The following SCHIP1 variants were observed in gnomAD, a reference collection of about 807,000 sequenced individuals.
The protein encoded by SCHIP1 is schwannomin-interacting protein 1.
SCHIP1 carries 8 observed loss-of-function variants against 29.7 expected under a neutral mutation model. The ratio of observed to expected loss-of-function variants is 0.27; its 90% CI spans 0.16 to 0.49. The LOEUF (loss-of-function observed/expected upper bound fraction) is 0.49. SCHIP1 is among the 20% of genes least tolerant of loss of function. SCHIP1 has a pLI of 0.99. For synonymous variants in SCHIP1, 76 were observed against 94.9 expected (o/e 0.80, Z 1.16); for missense variants, 193 against 294.6 (o/e 0.66, Z 2.52).
chr3:159,663,718 T>C, the SCHIP1 span, among the ~76,000 whole-genome samples: 1 of 152,196 alleles, frequency 6.6e-6, no homozygotes, highest in South Asian at 2.1e-4. Context: ...TTGGACAAAG[T>C]CTTTCAAATA....
the SCHIP1 span, among the ~76,000 whole-genome samples, chr3:159,640,971 T>C: frequency 6.6e-6 from 1 of 152,198 alleles, no homozygotes. Flanking sequence ...CATTTTTGAC[T>C]TAGAATCAAA....
At chr3:159,623,948 T>C in the SCHIP1 span, among the ~76,000 whole-genome samples, 1 of 152,126 alleles carries the variant, frequency 6.6e-6, no homozygotes, top group African/African-American at 2.4e-5. Context: ...TCCACCTGAG[T>C]CTAAGCCTCT....
the SCHIP1 span, among the ~76,000 whole-genome samples, chr3:159,738,476 AT>A: frequency 2.6e-5 from 4 of 152,222 alleles, no homozygotes; most frequent in African/African-American, 9.6e-5. Flanking sequence ...CTCCATGTTA[AT>A]ATTCACTGTG....
chr3:159,500,691 C>T, the SCHIP1 span, among the ~76,000 whole-genome samples: 4 of 147,784 alleles, frequency 2.7e-5, no homozygotes, highest in African/African-American at 5.1e-5. Context: ...TCCAGCCTGG[C>T]GAAAGAGCGA....
the SCHIP1 span, among the ~76,000 whole-genome samples, chr3:159,504,609 T>C: frequency 6.6e-6 from 1 of 152,226 alleles, no homozygotes; most frequent in East Asian, 1.9e-4. Flanking sequence ...CATACAAGTC[T>C]GATTAGCCCA....
the SCHIP1 span, among the ~76,000 whole-genome samples, chr3:159,692,896 G>C: frequency 6.6e-6 from 1 of 152,094 alleles, no homozygotes; most frequent in Admixed American, 6.5e-5. Context: ...AAAAAATGTG[G>C]GACCCATAGA....
the SCHIP1 span, among the ~76,000 whole-genome samples, chr3:159,508,062 C>T: frequency 6.6e-6 from 1 of 152,106 alleles, no homozygotes; most frequent in African/African-American, 2.4e-5. Context: ...CTCCTTGTAC[C>T]TCTGGTAGAA....
the SCHIP1 span, among the ~76,000 whole-genome samples, chr3:159,704,912 C>A: frequency 5.2e-4 from 43 of 83,360 alleles, no homozygotes; most frequent in East Asian, 1.2e-3. Flanking sequence ...TTCTTTATTT[C>A]TTTCTTTCTT....
the SCHIP1 span, among the ~76,000 whole-genome samples, chr3:159,416,861 C>T: frequency 6.6e-6 from 1 of 152,174 alleles, no homozygotes; most frequent in Admixed American, 6.5e-5. Context: ...CCTGAGGCTG[C>T]ATCAGACAGG....
intron 1 of SCHIP1, among the ~76,000 whole-genome samples, chr3:159,843,432 T>C (rs1744461850): frequency 6.6e-6 from 1 of 152,172 alleles, no homozygotes; most frequent in Non-Finnish European, 1.5e-5. Context: ...GGGCAGGGAT[T>C]TTATCTTTGT....
chr3:159,444,711 G>A, the SCHIP1 span, among the ~76,000 whole-genome samples: 1 of 152,148 alleles, frequency 6.6e-6, no homozygotes, highest in Non-Finnish European at 1.5e-5. Flanking sequence ...AGAATGAGAG[G>A]TGGCAGGGAC....
At chr3:159,821,349 A>G in the SCHIP1 span, among the ~76,000 whole-genome samples, 1 of 152,216 alleles carries the variant, frequency 6.6e-6, no homozygotes, top group African/African-American at 2.4e-5. Context: ...GAAAATGTAG[A>G]GAGGGCCAGG....
the SCHIP1 span, among the ~76,000 whole-genome samples, chr3:159,662,622 A>C: frequency 6.6e-6 from 1 of 152,338 alleles, no homozygotes; most frequent in South Asian, 2.1e-4. Flanking sequence ...TTGGGGGGAA[A>C]GAACAAGAAT....
the SCHIP1 span, among the ~76,000 whole-genome samples, chr3:159,565,878 T>A: frequency 1.3e-5 from 2 of 152,230 alleles, no homozygotes; most frequent in Admixed American, 1.3e-4. Context: ...ATGCCTCATA[T>A]AATGAACATC....
At chr3:159,482,580 A>T in the SCHIP1 span, among the ~76,000 whole-genome samples, 1 of 152,202 alleles carries the variant, frequency 6.6e-6, no homozygotes, top group Non-Finnish European at 1.5e-5. Flanking sequence ...ACTAGTTTAC[A>T]TAAATATGTA....
chr3:159,799,097 T>G, the SCHIP1 span, among the ~76,000 whole-genome samples: 1 of 152,174 alleles, frequency 6.6e-6, no homozygotes, highest in African/African-American at 2.4e-5. Flanking sequence ...CTACATTCCT[T>G]TACTCTGGTG....
the SCHIP1 span, among the ~76,000 whole-genome samples, chr3:159,711,177 A>G: frequency 6.6e-5 from 10 of 151,972 alleles, 1 homozygote; most frequent in African/African-American, 1.4e-4. Context: ...TATGTTCAAA[A>G]TGAAAGAATA....
chr3:159,606,029 T>C, the SCHIP1 span, among the ~76,000 whole-genome samples: 3 of 152,204 alleles, frequency 2.0e-5, no homozygotes, highest in African/African-American at 7.2e-5. Flanking sequence ...ACTCGAACTG[T>C]GACATCTAGG....
chr3:159,764,785 G>T, the SCHIP1 span: 1 of 1,566,592 alleles, frequency 6.4e-7, no homozygotes, highest in Non-Finnish European at 8.6e-7. The surrounding 1 kb of genome is among the most constrained non-coding windows in gnomAD (Gnocchi z 6.1). Flanking sequence ...CGGCGGCGGG[G>T]GCAGGAGCGC....
Sources: allele counts gnomAD v4.1 joint callset (sites outside exome capture counted in the v4.1 genomes callset), GRCh38; gene constraint gnomAD v4.1.1; non-coding constraint Gnocchi (gnomAD v3.1); transcripts MANE v1.5; gene names NCBI Gene and HGNC (gene_info 2026-07-23, HGNC 2026-07-21).